Variants in DCLK1 observed in about 807,000 individuals in gnomAD.
DCLK1 encodes the protein serine/threonine-protein kinase DCLK1.
Under a neutral mutation model 86.2 loss-of-function variants are expected in DCLK1, and 16 were observed. The ratio of observed to expected loss-of-function variants is 0.19; its 90% CI spans 0.13 to 0.28. The LOEUF (loss-of-function observed/expected upper bound fraction) is 0.28. Ranked by LOEUF, DCLK1 falls within the 10% of genes least tolerant of loss-of-function variation. DCLK1 has a pLI of 1.00. For synonymous variants in DCLK1, 369 were observed against 370.5 expected (o/e 1.00, Z 0.05); for missense variants, 590 against 940.2 (o/e 0.63, Z 4.87).
intron 3 of DCLK1, among the ~76,000 whole-genome samples, chr13:35,986,212 G>C (rs1183417526): frequency 6.9e-6 from 1 of 143,908 alleles, no homozygotes; most frequent in Admixed American, 7.2e-5. Context: ...TGAGGCAGGA[G>C]AATCGTTTGA....
chr13:35,839,212 G>A lies in DCLK1; in HGVS notation c.1036-36C>T, dbSNP rs954089430. The A allele has an allele frequency of 1.9e-6, 3 of 1,540,324 alleles. No individual in the cohort carries two copies. In the African/African-American group the frequency reaches 4.1e-5, roughly 21 times the overall value. ...ACAGAAACCGGTAATTCAAAAACTG[G>A]GTCAGAATGCCTGAGTTTCCAGGGA... On this transcript the variant is annotated intron_variant, in intron 6 of 16. Coordinates refer to ENST00000360631, the MANE Select transcript of DCLK1 (RefSeq NM_001330071.2).
intron 2 of DCLK1, among the ~76,000 whole-genome samples, chr13:36,123,965 G>A (rs113037503): frequency 9.7e-4 from 147 of 152,294 alleles, no homozygotes; most frequent in African/African-American, 3.2e-3. Flanking sequence ...AGTCATTGGA[G>A]TATCTTCGGC....
Position 36,066,151 on chromosome 13 carries a change from A to G in DCLK1, c.723+45718T>C, listed in dbSNP as rs1013003247. On this transcript the variant is annotated intron_variant, in intron 3 of 16. Transcript: ENST00000360631. ...TGTCATTTGCACCTCAAATAACCCT[A>G]TGAAGTCTGTTGAGCACATAACGTT... Among the ~76,000 whole-genome samples the G allele has an allele frequency of 9.2e-5, 14 of 152,212 alleles. 1 individual carries two copies. The highest frequency in any genetic ancestry group is 7.9e-4 in the Admixed American group (12 of 15,280).
intron 11 of DCLK1, among the ~76,000 whole-genome samples, chr13:35,815,617 C>T (rs368245153): frequency 4.1e-4 from 62 of 152,114 alleles, no homozygotes; most frequent in Non-Finnish European, 6.8e-4. Context: ...TTAACATATA[C>T]GGTATCCCTT....
chr13:36,131,463 C>T (rs981254452), upstream of DCLK1, among the ~76,000 whole-genome samples: 4 of 152,062 alleles, frequency 2.6e-5, no homozygotes, highest in Non-Finnish European at 5.9e-5. Context: ...CCTCCTCCTC[C>T]GCGTGCGCGC....
At chr13:35,918,679 C>T (rs1171084) in intron 4 of DCLK1, among the ~76,000 whole-genome samples, 146,851 of 152,018 alleles carry the variant, frequency 0.97, 70,993 homozygotes, top group Non-Finnish European at 0.99. Flanking sequence ...CCCAGGAAAT[C>T]GCCTAGCCTT....
At chr13:35,879,975 C>T (rs1457698156) in intron 4 of DCLK1, among the ~76,000 whole-genome samples, 1 of 152,120 alleles carries the variant, frequency 6.6e-6, no homozygotes, top group East Asian at 1.9e-4. Flanking sequence ...AGAACCACTG[C>T]CAATGTCTTC....
intron 3 of DCLK1, among the ~76,000 whole-genome samples, chr13:35,956,715 A>G (rs1037455795): frequency 4.6e-3 from 18 of 3,914 alleles, no homozygotes; most frequent in Non-Finnish European, 6.9e-3. Flanking sequence ...CTGGGGAAAA[A>G]CAAAACAAAA....
chr13:35,934,817 C>T (rs1338091834), intron 4 of DCLK1, among the ~76,000 whole-genome samples: 2 of 152,174 alleles, frequency 1.3e-5, no homozygotes, highest in Non-Finnish European at 2.9e-5. Context: ...CTTCTCCTAA[C>T]ATCGCTTTCA....
chr13:35,914,379 A>G (rs117820130), intron 4 of DCLK1, among the ~76,000 whole-genome samples: 52,831 of 120,790 alleles, frequency 0.44, 12,583 homozygotes, highest in Middle Eastern at 0.56. Flanking sequence ...GTATATATAT[A>G]TATATATATA....
intron 1 of DCLK1, among the ~76,000 whole-genome samples, chr13:36,128,931 G>A (rs575594101): frequency 2.1e-4 from 32 of 152,204 alleles, no homozygotes; most frequent in African/African-American, 6.5e-4. Context: ...GAGCTCTCTT[G>A]TCTTCTAAAA....
At chr13:35,886,007 CTTTTTTT>C (rs10589320) in intron 4 of DCLK1, among the ~76,000 whole-genome samples, 3 of 130,716 alleles carry the variant, frequency 2.3e-5, no homozygotes, top group East Asian at 4.2e-4. Flanking sequence ...GAATAGGTTC[CTTTTTTT>C]TTTTTTTTTT....
In DCLK1 at chr13:35,986,233, C is replaced by T. The variant is rs571440431; in HGVS notation, c.724-38776G>A. Reference sequence around the variant, plus strand: ...AGGAGAATCGTTTGAACCTGGGAGTCGGAGGTTGCAGTAAGCCGAGATCAT... The same window carrying T: ...AGGAGAATCGTTTGAACCTGGGAGTTGGAGGTTGCAGTAAGCCGAGATCAT... On this transcript the variant is annotated intron_variant, in intron 3 of 16. Coordinates refer to ENST00000360631, the MANE Select transcript of DCLK1 (RefSeq NM_001330071.2). 1.2e-4 allele frequency among the ~76,000 whole-genome samples: 15 copies of T among 127,616 alleles called. No homozygotes were observed. In the East Asian group the frequency reaches 1.8e-3, roughly 16 times the overall value. 83.7% of individuals were successfully genotyped at this position (127,616 alleles called of 152,430 possible).
At chr13:36,099,322 C>T (rs993575215) in intron 3 of DCLK1, among the ~76,000 whole-genome samples, 19 of 152,186 alleles carry the variant, frequency 1.2e-4, no homozygotes, top group African/African-American at 4.6e-4. Flanking sequence ...TAAAATAAAA[C>T]ACATCTTTCA....
At chr13:36,042,571 A>G (rs2153155493) in intron 3 of DCLK1, among the ~76,000 whole-genome samples, 1 of 152,326 alleles carries the variant, frequency 6.6e-6, no homozygotes, top group Admixed American at 6.5e-5. Context: ...TGTTCAAATA[A>G]CAATATTATG....
At chr13:35,815,672 T>C (rs1258748567) in intron 11 of DCLK1, among the ~76,000 whole-genome samples, 1 of 152,196 alleles carries the variant, frequency 6.6e-6, no homozygotes, top group Non-Finnish European at 1.5e-5. Context: ...ATGGCCTTTA[T>C]GATGCTTTCT....
intron 3 of DCLK1, among the ~76,000 whole-genome samples, chr13:36,078,524 G>T (rs1884296778): frequency 6.6e-6 from 1 of 152,174 alleles, no homozygotes; most frequent in African/African-American, 2.4e-5. Flanking sequence ...CTACCAGAAA[G>T]CCATAATATT....
At chr13:35,921,455 CG>C (rs1368506153) in intron 4 of DCLK1, among the ~76,000 whole-genome samples, 2 of 152,168 alleles carry the variant, frequency 1.3e-5, no homozygotes, top group African/African-American at 2.4e-5. Flanking sequence ...AGCAGAAATT[CG>C]ACTTCCTCAG....
chr13:35,903,679 T>C (rs1488671134), intron 4 of DCLK1, among the ~76,000 whole-genome samples: 3 of 151,856 alleles, frequency 2.0e-5, no homozygotes, highest in African/African-American at 7.3e-5. Flanking sequence ...ACGAATGTTC[T>C]ACAACAAGAC....
Sources: gnomAD v4.1 joint callset for allele counts (sites outside exome capture counted in the v4.1 genomes callset) on GRCh38, gnomAD v4.1.1 for gene constraint, MANE v1.5 for transcripts, NCBI Gene and HGNC (gene_info 2026-07-23, HGNC 2026-07-21) for gene names.